IPCEF1: variants seen among roughly 807,000 people sequenced by gnomAD.
IPCEF1 encodes the protein interaction protein for cytohesin exchange factors 1.
Under a neutral mutation model 50.9 loss-of-function variants are expected in IPCEF1, and 31 were observed. The observed-to-expected ratio is 0.61, with a 90% CI of 0.46 to 0.82. The LOEUF is 0.82. Ranked by LOEUF, IPCEF1 falls within the 40% of genes least tolerant of loss-of-function variation. The probability of loss-of-function intolerance (pLI) is 0.00; values close to 1 mark genes in which losing one functional copy is unlikely to be tolerated. For missense variants in IPCEF1, 458 were observed against 514.0 expected, an observed-to-expected ratio of 0.89 and a Z score of 1.05; for synonymous variants, 181 against 192.0, an observed-to-expected ratio of 0.94 and a Z score of 0.47.
chr6:154,232,236 G>C (rs921469955), intron 5 of IPCEF1, among the ~76,000 whole-genome samples: 4 of 152,070 alleles, frequency 2.6e-5, no homozygotes, highest in Admixed American at 1.3e-4. Context: ...TATTAGCATC[G>C]GGCTGTGACA....
Position 154,159,773 on chromosome 6 carries a change from C to G in IPCEF1, c.*55G>C. 7.3e-7 allele frequency: 1 copy of G among 1,377,334 alleles called. No individual in the cohort carries two copies. Among genetic ancestry groups the G allele is most frequent in the South Asian group, 1.3e-5 (1 of 79,886 alleles). 85.3% of individuals were successfully genotyped at this position (1,377,334 alleles called of 1,614,324 possible). On this transcript the variant is annotated 3_prime_UTR_variant, in exon 12 of 12. Coordinates refer to ENST00000367220, the MANE Select transcript of IPCEF1 (RefSeq NM_001130700.2). ...TAAGGAAAAATGTAAGCTTTTGCAA[C>G]ATCTTGAAGAGTTGCTTGTGATAAA...
At chr6:154,214,483 T>C (rs959317116) in intron 7 of IPCEF1, among the ~76,000 whole-genome samples, 2 of 152,230 alleles carry the variant, frequency 1.3e-5, no homozygotes, top group African/African-American at 4.8e-5. Context: ...TAAGGTAAGA[T>C]GTGAGGTGGC....
rs536560559 is a variant in IPCEF1, at chr6:154,241,722, C to T, written c.246+4869G>A. On this transcript the variant is annotated intron_variant, in intron 5 of 11. Transcript: ENST00000367220. ...CTCCTAACTGGCCTTCTGGCAGCTC[C>T]CTCACTCTCCAAAACATCCAATCTA... 5.3e-5 allele frequency among the ~76,000 whole-genome samples: 8 copies of T among 152,282 alleles called. 1 individual carries two copies. In the East Asian group the frequency reaches 1.2e-3, roughly 22 times the overall value.
rs566862334 is a variant in IPCEF1 at position 154,242,721 on chromosome 6, T to C, written c.246+3870A>G. 7.9e-5 allele frequency among the ~76,000 whole-genome samples: 12 copies of C among 152,234 alleles called. No homozygotes were observed. The East Asian group carries it at 2.3e-3, about 29-fold the overall frequency. On this transcript the variant is annotated intron_variant, in intron 5 of 11. Coordinates refer to ENST00000367220, the MANE Select transcript of IPCEF1 (RefSeq NM_001130700.2). ...GGCCAAGGTGGTGAAACCTTGTCTC[T>C]ACTAAAAATACAAAAATTAGCGGGG...
chr6:154,237,640 G>A (rs568366584), intron 5 of IPCEF1, among the ~76,000 whole-genome samples: 11 of 152,200 alleles, frequency 7.2e-5, no homozygotes, highest in African/African-American at 2.2e-4. Flanking sequence ...GAAAATAGAC[G>A]CATAGACATT....
intron 3 of IPCEF1, among the ~76,000 whole-genome samples, chr6:154,256,888 T>A (rs763234082): frequency 3.3e-5 from 5 of 152,294 alleles, no homozygotes; most frequent in Admixed American, 6.5e-5. Flanking sequence ...TACCTTCACA[T>A]GGGATTTTCA....
At chr6:154,343,088 C>T (rs1783951309) in intron 1 of IPCEF1, among the ~76,000 whole-genome samples, 1 of 152,150 alleles carries the variant, frequency 6.6e-6, no homozygotes, top group African/African-American at 2.4e-5. Flanking sequence ...TGCACTCCAG[C>T]CTCGGCAAAA....
At chr6:154,165,069 G>A (rs1260095662) in intron 11 of IPCEF1, among the ~76,000 whole-genome samples, 1 of 152,084 alleles carries the variant, frequency 6.6e-6, no homozygotes, top group African/African-American at 2.4e-5. Flanking sequence ...AAACTCTGTT[G>A]TCTTTGCTTG....
intron 5 of IPCEF1, among the ~76,000 whole-genome samples, chr6:154,231,239 A>G (rs1311472421): frequency 2.0e-5 from 3 of 152,234 alleles, no homozygotes; most frequent in Admixed American, 2.0e-4. Flanking sequence ...ATTGAAGAAA[A>G]GTTAGGATAA....
chr6:154,311,318 T>C (rs1232639997), intron 1 of IPCEF1, among the ~76,000 whole-genome samples: 3 of 152,204 alleles, frequency 2.0e-5, no homozygotes, highest in African/African-American at 7.2e-5. Flanking sequence ...CAGTCTTCTT[T>C]CATCTCTTCT....
chr6:154,184,358 T>C (rs548733217), intron 10 of IPCEF1, among the ~76,000 whole-genome samples: 3 of 152,042 alleles, frequency 2.0e-5, no homozygotes, highest in East Asian at 1.9e-4. Flanking sequence ...ATACTAGTAG[T>C]AGTATAATAT....
chr6:154,208,581 G>T (rs1233778882), intron 9 of IPCEF1, among the ~76,000 whole-genome samples: 1 of 152,216 alleles, frequency 6.6e-6, no homozygotes, highest in Non-Finnish European at 1.5e-5. Context: ...ATTCACTGAT[G>T]TGTTCCAAGT....
At chr6:154,249,248 C>A (rs1251226047) in intron 3 of IPCEF1, among the ~76,000 whole-genome samples, 1 of 152,214 alleles carries the variant, frequency 6.6e-6, no homozygotes, top group Non-Finnish European at 1.5e-5. Flanking sequence ...AAGTTCCTAT[C>A]ATTCCCTCAA....
intron 1 of IPCEF1, among the ~76,000 whole-genome samples, chr6:154,293,479 C>T (rs895975146): frequency 6.6e-6 from 1 of 152,196 alleles, no homozygotes; most frequent in African/African-American, 2.4e-5. Context: ...CTGCTTCATC[C>T]ATGCACCATT....
At chr6:154,161,258 TG>T (rs796890966) in intron 11 of IPCEF1, among the ~76,000 whole-genome samples, 1 of 151,446 alleles carries the variant, frequency 6.6e-6, no homozygotes, top group South Asian at 2.1e-4. Flanking sequence ...TTGCCCAGGC[TG>T]GAGTGCAGTG....
chr6:154,175,709 C>A (rs1800265436), intron 10 of IPCEF1, among the ~76,000 whole-genome samples: 1 of 152,130 alleles, frequency 6.6e-6, no homozygotes, highest in Non-Finnish European at 1.5e-5. Flanking sequence ...AAATCCAGGA[C>A]CAGATGGATT....
chr6:154,290,201 C>T (rs1782478266), intron 1 of IPCEF1, among the ~76,000 whole-genome samples: 1 of 152,150 alleles, frequency 6.6e-6, no homozygotes, highest in South Asian at 2.1e-4. Context: ...AGCATATGAC[C>T]TCCCTCTGGG....
At chr6:154,317,768 G>T (rs898298405) in intron 1 of IPCEF1, among the ~76,000 whole-genome samples, 3 of 150,980 alleles carry the variant, frequency 2.0e-5, no homozygotes, top group South Asian at 2.1e-4. Context: ...GCTACAACCG[G>T]TTTTTTTTTA....
intron 5 of IPCEF1, among the ~76,000 whole-genome samples, chr6:154,245,478 C>G (rs374452619): frequency 5.9e-5 from 9 of 151,940 alleles, no homozygotes; most frequent in Non-Finnish European, 1.0e-4. Flanking sequence ...ATGTGAGCAA[C>G]GAAAATTGAT....
Sources: allele counts gnomAD v4.1 joint callset (sites outside exome capture counted in the v4.1 genomes callset), GRCh38; gene constraint gnomAD v4.1.1; transcripts MANE v1.5; gene names NCBI Gene and HGNC (gene_info 2026-07-23, HGNC 2026-07-21).